The following ALK variants were observed in gnomAD, a reference collection of about 807,000 sequenced individuals.
ALK encodes the protein ALK receptor tyrosine kinase, also known as ALK tyrosine kinase receptor.
Under a neutral mutation model 163.1 loss-of-function variants are expected in ALK, and 74 were observed. That is an observed-to-expected ratio of 0.45 (90% CI 0.38 to 0.55). The LOEUF is 0.55. Ranked by LOEUF, ALK falls within the 20% of genes least tolerant of loss-of-function variation. The pLI is 0.00. For synonymous variants in ALK, 960 were observed against 843.2 expected, an observed-to-expected ratio of 1.14 and a Z score of -2.40; for missense variants, 2,063 against 2,105.3, an observed-to-expected ratio of 0.98 and a Z score of 0.39.
At chr2:29,302,858 A>G (rs943236093) in intron 8 of ALK, among the ~76,000 whole-genome samples, 4 of 152,210 alleles carry the variant, frequency 2.6e-5, no homozygotes, top group African/African-American at 9.6e-5. Flanking sequence ...CTCTCGCCAT[A>G]TACAAAAATT....
At chr2:29,357,332 A>G (rs916914308) in intron 5 of ALK, among the ~76,000 whole-genome samples, 1 of 152,088 alleles carries the variant, frequency 6.6e-6, no homozygotes, top group Admixed American at 6.5e-5. Context: ...CATCTGGAAT[A>G]CCCTGCACAT....
intron 3 of ALK, among the ~76,000 whole-genome samples, chr2:29,667,821 C>T (rs1470590000): frequency 6.6e-6 from 1 of 151,946 alleles, no homozygotes; most frequent in African/African-American, 2.4e-5. Flanking sequence ...TGGAAGTATT[C>T]CCTCCTCTTC....
chr2:29,648,407 C>A (rs1676947014), intron 3 of ALK, among the ~76,000 whole-genome samples: 1 of 152,064 alleles, frequency 6.6e-6, no homozygotes, highest in Non-Finnish European at 1.5e-5. Flanking sequence ...GTATTAAGTA[C>A]ATTCACAGTC....
intron 2 of ALK, among the ~76,000 whole-genome samples, chr2:29,701,913 G>A (rs1678753530): frequency 1.3e-5 from 2 of 152,104 alleles, no homozygotes; most frequent in Non-Finnish European, 2.9e-5. Flanking sequence ...TGTGAGTCCT[G>A]AGGCCCTGAT....
chr2:29,468,420 T>A (rs1012273225), intron 4 of ALK, among the ~76,000 whole-genome samples: 6 of 152,154 alleles, frequency 3.9e-5, no homozygotes, highest in Admixed American at 1.3e-4. Flanking sequence ...TTAATAAATA[T>A]ATTTTAGGGT....
Position 29,724,125 on chromosome 2 carries a change from G to C in ALK, c.668-6428C>G, listed in dbSNP as rs949109610. Reference sequence around the variant, plus strand: ...ATGCATGTGTGATGGTTATTTACATGAATGCCCCAGGCTCACTGGCAAGCA... The same window carrying C: ...ATGCATGTGTGATGGTTATTTACATCAATGCCCCAGGCTCACTGGCAAGCA... On this transcript the variant is annotated intron_variant, in intron 1 of 28. Coordinates refer to ENST00000389048, the MANE Select transcript of ALK (RefSeq NM_004304.5). 2.0e-5 allele frequency among the ~76,000 whole-genome samples: 3 copies of C among 152,178 alleles called. No individual in the cohort carries two copies. The South Asian group carries it at 6.2e-4, about 32-fold the overall frequency.
chr2:29,194,235 T>A lies in ALK; in HGVS notation c.4165-313A>T, dbSNP rs578252519. Among the ~76,000 whole-genome samples, 8 of 151,980 alleles carry A rather than the reference T, an allele frequency of 5.3e-5. No homozygotes were observed. The South Asian group carries it at 1.7e-3, about 32-fold the overall frequency. On this transcript the variant is annotated intron_variant, in intron 28 of 28. Transcript: ENST00000389048. ...AAGATTAGTGGATTTAAAAAAAAAA[T>A]TAAGATTATTATTTGTATTATTCCA...
chr2:29,503,915 T>G (rs531197336), intron 4 of ALK, among the ~76,000 whole-genome samples: 53 of 151,910 alleles, frequency 3.5e-4, no homozygotes, highest in Non-Finnish European at 7.1e-4. Context: ...TTTCTATAGG[T>G]TGGTGCAAAA....
chr2:29,367,056 GA>G (rs150941455), intron 5 of ALK, among the ~76,000 whole-genome samples: 6,603 of 152,062 alleles, frequency 0.043, 166 homozygotes, highest in African/African-American at 0.054. Context: ...TCCTCTTTTT[GA>G]AAATACAAGC....
chr2:29,595,031 CT>C (rs966855075), intron 3 of ALK, among the ~76,000 whole-genome samples: 2 of 151,958 alleles, frequency 1.3e-5, no homozygotes, highest in African/African-American at 2.4e-5. Context: ...GTCTAAATAT[CT>C]TTTTACACGA....
chr2:29,192,989 C>T lies in ALK; in HGVS notation c.*235G>A, dbSNP rs899612706. 1.1e-5 allele frequency: 6 copies of T among 553,128 alleles called. No homozygotes were observed. The highest frequency in any genetic ancestry group is 1.9e-5 in the Non-Finnish European group (6 of 309,078). 34.3% of individuals were successfully genotyped at this position (553,128 alleles called of 1,614,324 possible). On this transcript the variant is annotated 3_prime_UTR_variant, in exon 29 of 29. Coordinates refer to ENST00000389048, the MANE Select transcript of ALK (RefSeq NM_004304.5). ...AAACCTTATGCAACCACATCTGGGC[C>T]TTGTATTTATCACTCATTTTTATGA... is the stretch of plus-strand genomic sequence containing the variant.
At chr2:29,725,646 T>A (rs1299115092) in intron 1 of ALK, among the ~76,000 whole-genome samples, 1 of 152,224 alleles carries the variant, frequency 6.6e-6, no homozygotes, top group African/African-American at 2.4e-5. Flanking sequence ...TTTCTTTTTT[T>A]TTTTGCTCAT....
At chr2:29,278,812 G>A (rs139508911) in intron 9 of ALK, among the ~76,000 whole-genome samples, 34 of 152,296 alleles carry the variant, frequency 2.2e-4, no homozygotes, top group Admixed American at 3.9e-4. Flanking sequence ...ACATCAGGGG[G>A]TGAGTGCCCC....
chr2:29,495,825 G>T (rs1672008605), intron 4 of ALK, among the ~76,000 whole-genome samples: 1 of 152,320 alleles, frequency 6.6e-6, no homozygotes. Context: ...GGAAGATGCT[G>T]TCAGGAGGTT....
intron 1 of ALK, among the ~76,000 whole-genome samples, chr2:29,871,928 T>C (rs757419513): frequency 1.6e-4 from 24 of 152,214 alleles, no homozygotes; most frequent in Non-Finnish European, 3.4e-4. Flanking sequence ...TCATATCTGA[T>C]AGAGGTGCGG....
chr2:29,730,217 G>C (rs1330227187), intron 1 of ALK, among the ~76,000 whole-genome samples: 1 of 152,214 alleles, frequency 6.6e-6, no homozygotes, highest in Non-Finnish European at 1.5e-5. Flanking sequence ...GCTGGGATGT[G>C]AGTGCAGGAT....
intron 5 of ALK, among the ~76,000 whole-genome samples, chr2:29,377,765 G>A (rs1228846991): frequency 6.6e-6 from 1 of 152,206 alleles, no homozygotes; most frequent in Non-Finnish European, 1.5e-5. Flanking sequence ...ACTCTTTGGG[G>A]ACATGTGTTT....
intron 3 of ALK, among the ~76,000 whole-genome samples, chr2:29,693,004 C>G (rs755151499): frequency 6.6e-6 from 1 of 152,024 alleles, no homozygotes; most frequent in Non-Finnish European, 1.5e-5. Flanking sequence ...CAAACCTAGT[C>G]AATATGTTGT....
rs530956076 is a variant in ALK at position 29,567,163 on chromosome 2, A to G, written c.953-35047T>C. On this transcript the variant is annotated intron_variant, in intron 3 of 28. Transcript: ENST00000389048. Reference sequence around the variant, plus strand: ...GCAGGAGGGATCTTTAAGAAAAGCCAGCTGTTCTCAACAACCAAAGGCAAC... The same window carrying G: ...GCAGGAGGGATCTTTAAGAAAAGCCGGCTGTTCTCAACAACCAAAGGCAAC... Among the ~76,000 whole-genome samples, 22 of 152,354 alleles carry G rather than the reference A, an allele frequency of 1.4e-4. 1 individual carries two copies. In the South Asian group the frequency reaches 4.6e-3, roughly 32 times the overall value.
Sources: allele counts gnomAD v4.1 joint callset (sites outside exome capture counted in the v4.1 genomes callset), GRCh38; gene constraint gnomAD v4.1.1; transcripts MANE v1.5; gene names NCBI Gene and HGNC (gene_info 2026-07-23, HGNC 2026-07-21).